The following AKAP13 variants were observed in gnomAD, a reference collection of about 807,000 sequenced individuals.
The protein encoded by AKAP13 is A-kinase anchoring protein 13, also known as A-kinase anchor protein 13.
A neutral mutation model predicts 264.5 loss-of-function variants in AKAP13; 80 were observed. The observed-to-expected ratio is 0.30, with a 90% CI of 0.25 to 0.36. The LOEUF (loss-of-function observed/expected upper bound fraction) is 0.36. Ranked by LOEUF, AKAP13 falls within the 10% of genes least tolerant of loss-of-function variation. The pLI, the probability that AKAP13 is intolerant of heterozygous loss-of-function variation, is 1.00. For synonymous variants in AKAP13, 1,380 were observed against 1,250.2 expected, an observed-to-expected ratio of 1.10 and a Z score of -2.19; for missense variants, 3,712 against 3,435.2, an observed-to-expected ratio of 1.08 and a Z score of -2.01.
Position 85,726,471 on chromosome 15 carries a change from C to A in AKAP13, c.6807C>A (p.Tyr2269Ter). 6.2e-7 allele frequency: 1 copy of A among 1,612,378 alleles called. No individual in the cohort carries two copies. The change falls in exon 27 of 37, where the codon TAC becomes TAA. Residue 2269 changes from tyrosine (Y) to a stop codon, truncating the protein, a stop_gained. Transcript: ENST00000394518. LOFTEE classifies it high-confidence loss of function. ...TCCTTCAAGAAAAAGACCAGAAGTA[C>A]ATCTTTGCATCATTGGTAAGCTGAA... ...LVFLQEKDQK[Y>*]IFASLDQKST...
intron 8 of AKAP13, among the ~76,000 whole-genome samples, chr15:85,599,909 T>G (rs2079980757): frequency 6.6e-6 from 1 of 152,150 alleles, no homozygotes; most frequent in South Asian, 2.1e-4. Flanking sequence ...ATTTCTGAAT[T>G]AGTCTTGCTG....
intron 17 of AKAP13, among the ~76,000 whole-genome samples, chr15:85,706,515 G>A (rs1309907577): frequency 3.3e-5 from 5 of 152,060 alleles, no homozygotes; most frequent in Non-Finnish European, 1.5e-5. Context: ...AAGGGACTAG[G>A]GTCATACTAG....
chr15:85,422,967 C>T (rs886244552), intron 1 of AKAP13, among the ~76,000 whole-genome samples: 3 of 152,148 alleles, frequency 2.0e-5, no homozygotes, highest in Admixed American at 6.5e-5. Context: ...TTTTGTTTCC[C>T]GGTGCATATG....
intron 1 of AKAP13, among the ~76,000 whole-genome samples, chr15:85,382,963 T>C (rs1021727172): frequency 6.6e-6 from 1 of 152,238 alleles, no homozygotes; most frequent in African/African-American, 2.4e-5. Flanking sequence ...TTTTTTAATC[T>C]GTCAATTATT....
At chr15:85,722,793 CCTG>C (rs1567214240) in intron 25 of AKAP13, among the ~76,000 whole-genome samples, 1 of 152,052 alleles carries the variant, frequency 6.6e-6, no homozygotes, top group East Asian at 1.9e-4. Context: ...GGTTGCTCTT[CCTG>C]CTATTACTGT....
In AKAP13 at chr15:85,593,548, T is replaced by TA. The variant is rs1555448574; in HGVS notation, c.4161+7728dup. Among the ~76,000 whole-genome samples, 229 of 151,630 alleles carry TA rather than the reference T, an allele frequency of 1.5e-3. 1 individual carries two copies. The highest frequency in any genetic ancestry group is 2.8e-3 in the Non-Finnish European group (189 of 67,780). ...ATGTGGGAATTTTTTTTTTTTTTTTTAAATCACACATTCTTTAACCCAATC... is the reference window on the plus strand; with the variant it reads ...ATGTGGGAATTTTTTTTTTTTTTTTTAAAATCACACATTCTTTAACCCAATC... On this transcript the variant is annotated intron_variant, in intron 8 of 36. Transcript: ENST00000394518.
intron 4 of AKAP13, 88 bp downstream of exon 4, chr15:85,533,968 T>C: frequency 7.3e-7 from 1 of 1,361,538 alleles, no homozygotes; most frequent in Non-Finnish European, 9.9e-7. Flanking sequence ...ATGGTCATCA[T>C]ATTCAGGTCT....
In AKAP13 at chr15:85,617,500, A is replaced by G. The variant is rs540681933; in HGVS notation, c.4162-21874A>G. On this transcript the variant is annotated intron_variant, in intron 8 of 36. Transcript: ENST00000394518. The stretch of plus-strand genomic sequence containing the variant: ...CATGATCTGCTTGCCTTGGCCTCCC[A>G]AAGTGTTGGGATTACAGGCGTGAGC... Among the ~76,000 whole-genome samples, 223 of 152,308 alleles carry G rather than the reference A, an allele frequency of 1.5e-3. 1 individual carries two copies. The highest frequency in any genetic ancestry group is 4.7e-3 in the African/African-American group (194 of 41,566).
chr15:85,622,588 T>C (rs369740810), intron 8 of AKAP13, among the ~76,000 whole-genome samples: 35 of 152,316 alleles, frequency 2.3e-4, no homozygotes, highest in African/African-American at 6.7e-4. Context: ...CCTGCCGTTA[T>C]GATAGCACAG....
intron 7 of AKAP13, among the ~76,000 whole-genome samples, chr15:85,584,882 T>C (rs1206892845): frequency 2.0e-5 from 3 of 152,312 alleles, no homozygotes; most frequent in South Asian, 2.1e-4. Context: ...GCATTTGGAT[T>C]ATTAAGGTGA....
intron 9 of AKAP13, among the ~76,000 whole-genome samples, chr15:85,641,158 G>A (rs1008719624): frequency 1.3e-5 from 2 of 151,972 alleles, no homozygotes; most frequent in African/African-American, 4.8e-5. Flanking sequence ...ATAAGATATT[G>A]TCTTTTGGCC....
At position 85,581,194 on chromosome 15, in the gene AKAP13, G is replaced by T; in HGVS notation, c.3126G>T (p.Leu1042=). The part of the protein sequence containing the change: ...ALGAEHNSSA[L]LPCLLPDGSD... Reference sequence around the variant, plus strand: ...GGGCAGAGCACAACAGCTCCGCTCTGTTGCCATGTCTGTTGCCAGATGGGT... The same window carrying T: ...GGGCAGAGCACAACAGCTCCGCTCTTTTGCCATGTCTGTTGCCAGATGGGT... Residue 1042 remains leucine (L), a synonymous_variant, in exon 7 of 37, where the codon CTG becomes CTT. Coordinates refer to ENST00000394518, the MANE Select transcript of AKAP13 (RefSeq NM_007200.5). 1 of 1,613,824 alleles carries T rather than the reference G, an allele frequency of 6.2e-7. No homozygotes were observed. Among genetic ancestry groups the T allele is most frequent in the Non-Finnish European group, 8.5e-7 (1 of 1,179,802 alleles).
chr15:85,561,246 C>T (rs2078365029), intron 5 of AKAP13, among the ~76,000 whole-genome samples: 2 of 151,854 alleles, frequency 1.3e-5, no homozygotes, highest in South Asian at 2.1e-4. Flanking sequence ...TTAGTAGAGA[C>T]GGGGTTTCAC....
chr15:85,656,122 T>C (rs934629379), intron 11 of AKAP13, among the ~76,000 whole-genome samples: 3 of 152,208 alleles, frequency 2.0e-5, no homozygotes, highest in African/African-American at 7.2e-5. Flanking sequence ...ATGAAACTTA[T>C]GAATGAGAAA....
At chr15:85,466,973 C>T (rs1402496995) in intron 1 of AKAP13, among the ~76,000 whole-genome samples, 2 of 151,864 alleles carry the variant, frequency 1.3e-5, no homozygotes, top group African/African-American at 2.4e-5. Context: ...TTGGTGGGTT[C>T]CCAGCATGGA....
At chr15:85,719,045 T>C in intron 22 of AKAP13, 31 bp from the exon 23 acceptor site, 1 of 1,610,580 alleles carries the variant, frequency 6.2e-7, no homozygotes, top group Non-Finnish European at 8.5e-7. Flanking sequence ...AAAAGAGTGT[T>C]CCTGACACTT....
chr15:85,596,281 C>T (rs1407980208), intron 8 of AKAP13, among the ~76,000 whole-genome samples: 1 of 152,106 alleles, frequency 6.6e-6, no homozygotes, highest in African/African-American at 2.4e-5. Flanking sequence ...CTGACTGAGT[C>T]ATTAGTATTC....
intron 1 of AKAP13, among the ~76,000 whole-genome samples, chr15:85,389,473 G>A (rs1033720394): frequency 6.6e-6 from 1 of 152,154 alleles, no homozygotes; most frequent in African/African-American, 2.4e-5. Context: ...CATGCATTTT[G>A]TCCACTTTTC....
At chr15:85,688,396 A>G (rs1345251757) in intron 16 of AKAP13, among the ~76,000 whole-genome samples, 1 of 152,182 alleles carries the variant, frequency 6.6e-6, no homozygotes, top group Admixed American at 6.5e-5. Flanking sequence ...TGTTTTATTA[A>G]TCTACCATAC....
Sources: allele counts gnomAD v4.1 joint callset (sites outside exome capture counted in the v4.1 genomes callset), GRCh38; gene constraint gnomAD v4.1.1; transcripts MANE v1.5; gene names NCBI Gene and HGNC (gene_info 2026-07-23, HGNC 2026-07-21).